The following NIPA1 variants were observed in gnomAD, a reference collection of about 807,000 sequenced individuals.
The protein encoded by NIPA1 is NIPA magnesium transporter 1.
NIPA1 carries 13 observed loss-of-function variants against 23.9 expected under a neutral mutation model. The observed-to-expected ratio is 0.54, with a 90% CI of 0.35 to 0.87. The LOEUF (loss-of-function observed/expected upper bound fraction) is 0.87, where lower values mean the gene tolerates loss of function less well. Among genes scored for constraint, NIPA1 ranks in the 40% least tolerant of loss-of-function variants. NIPA1 has a pLI of 0.01. For missense variants in NIPA1, 362 were observed against 429.7 expected (o/e 0.84, Z 1.39); for synonymous variants, 234 against 202.9 (o/e 1.15, Z -1.30).
chr15:22,795,496 G>A (rs1455639067), intron 1 of NIPA1, among the ~76,000 whole-genome samples: 2 of 152,118 alleles, frequency 1.3e-5, no homozygotes, highest in African/African-American at 4.8e-5. Flanking sequence ...GACAGCTGAG[G>A]GCTTGCTGAG....
chr15:22,796,465 T>TTTTTTTC (rs753180725), intron 1 of NIPA1, among the ~76,000 whole-genome samples: 1 of 151,988 alleles, frequency 6.6e-6, no homozygotes, highest in Non-Finnish European at 1.5e-5. Flanking sequence ...TTCAGTTCTT[T>TTTTTTTC]TTTTTTCTTT....
chr15:22,812,178 T>C lies in NIPA1; in HGVS notation c.242T>C (p.Ile81Thr), dbSNP rs750364669. 5.8e-5 allele frequency: 93 copies of C among 1,613,068 alleles called. 1 individual carries two copies. Among genetic ancestry groups the C allele is most frequent in the Non-Finnish European group, 7.6e-5 (90 of 1,179,492 alleles). ...TTCTTGACAGTGGCTGTTGGCCAGA[T>C]TGGAAACTTCCTGGCTTACACGGCG... Reference protein sequence around the residue: ...AGTIAMAVGQIGNFLAYTAVP... With the variant: ...AGTIAMAVGQTGNFLAYTAVP... The change falls in exon 3 of 5, where the codon ATT (isoleucine) becomes ACT (threonine). Residue 81 changes from isoleucine (I) to threonine (T), a missense_variant. Transcript: ENST00000337435.
At position 22,820,980 on chromosome 15, in the gene NIPA1, C is replaced by CTTTTTTT. The variant is rs34707760; in HGVS notation, c.478+515_478+521dup. Among the ~76,000 whole-genome samples the CTTTTTTT allele has an allele frequency of 1.1e-4, 15 of 140,398 alleles. 1 individual carries two copies. The highest frequency in any genetic ancestry group is 2.1e-4 in the East Asian group (1 of 4,714). 92.1% of individuals were successfully genotyped at this position (140,398 alleles called of 152,430 possible). A position where few individuals can be genotyped will look rare whatever the true frequency, so the allele number is the denominator to read the frequency against. ...CTTTTGACATAATTTCTTTTCTTTTCTTTTTTTTTTTTTTGGAGACGGAGT... is the reference window on the plus strand; with the variant it reads ...CTTTTGACATAATTTCTTTTCTTTTCTTTTTTTTTTTTTTTTTTTTTGGAGACGGAGT... On this transcript the variant is annotated intron_variant, in intron 4 of 4. Coordinates refer to ENST00000337435, the MANE Select transcript of NIPA1 (RefSeq NM_144599.5).
rs1555371599 is a variant in NIPA1, at chr15:22,786,671, T to TGCGGCAGCG, written c.21_29dup (p.Ala14_Ala16dup). 1.5e-5 allele frequency: 16 copies of TGCGGCAGCG among 1,065,910 alleles called. No individual in the cohort carries two copies. The highest frequency in any genetic ancestry group is 9.8e-5 in the Admixed American group (2 of 20,432). The allele number at this position is 1,065,910 out of a possible 1,614,324, so 66.0% of individuals were successfully genotyped here. A position where few individuals can be genotyped will look rare whatever the true frequency, so the allele number is the denominator to read the frequency against. ...GCGCGGGCGGAATGGGGACTGCAGC[T>TGCGGCAGCG]GCGGCAGCGGCGGCGGCGGCGGCGG... On this transcript the variant is annotated inframe_insertion, in exon 1 of 5. Transcript: ENST00000337435.
At chr15:22,788,277 G>C (rs1183495206) in intron 1 of NIPA1, among the ~76,000 whole-genome samples, 1 of 151,704 alleles carries the variant, frequency 6.6e-6, no homozygotes, top group East Asian at 1.9e-4. Flanking sequence ...CGAGGCGGGC[G>C]GGTCACAAGG....
chr15:22,792,616 C>T (rs912327034), intron 1 of NIPA1, among the ~76,000 whole-genome samples: 1 of 152,098 alleles, frequency 6.6e-6, no homozygotes, highest in African/African-American at 2.4e-5. Context: ...CTTCGGCCTC[C>T]CAATGTGCTG....
chr15:22,786,835 G>A lies in NIPA1; in HGVS notation c.178+1G>A. ...GGCATCGTGCGTGCCAAGCGGCGAG[G>A]TAGGGCGGGCGGCAGGCGGCAGGCG... is the stretch of plus-strand genomic sequence containing the variant. On this transcript the variant is annotated splice_donor_variant, in intron 1 of 4. Transcript: ENST00000337435. LOFTEE classifies it high-confidence loss of function. The A allele has an allele frequency of 8.5e-6, 10 of 1,181,800 alleles. No individual in the cohort carries two copies. The highest frequency in any genetic ancestry group is 1.1e-5 in the Non-Finnish European group (10 of 931,068). 73.2% of individuals were successfully genotyped at this position (1,181,800 alleles called of 1,614,324 possible). A position where few individuals can be genotyped will look rare whatever the true frequency, so the allele number is the denominator to read the frequency against.
rs1059774 is a variant in NIPA1 at position 22,825,366 on chromosome 15, C to G, written c.*1127C>G. ...AGAAACATGGTTACGTGGTTCATGACTGTATATTCACTGGAAGATAGTCAA... is the reference window on the plus strand; with the variant it reads ...AGAAACATGGTTACGTGGTTCATGAGTGTATATTCACTGGAAGATAGTCAA... On this transcript the variant is annotated 3_prime_UTR_variant, in exon 5 of 5. Coordinates refer to ENST00000337435, the MANE Select transcript of NIPA1 (RefSeq NM_144599.5). 52,960 of 152,104 alleles carry G rather than the reference C, an allele frequency of 0.35. 10,685 individuals carry two copies. Among genetic ancestry groups the G allele is most frequent in the East Asian group, 0.58 (3,001 of 5,190 alleles). 9.4% of individuals were successfully genotyped at this position (152,104 alleles called of 1,614,324 possible).
chr15:22,795,971 G>A (rs1310471815), intron 1 of NIPA1, among the ~76,000 whole-genome samples: 3 of 151,722 alleles, frequency 2.0e-5, no homozygotes, highest in East Asian at 1.9e-4. Flanking sequence ...TTTTTCCGTC[G>A]CCCAGGCTGG....
chr15:22,798,386 C>T (rs1894987906), intron 1 of NIPA1, among the ~76,000 whole-genome samples: 1 of 149,344 alleles, frequency 6.7e-6, no homozygotes, highest in Non-Finnish European at 1.5e-5. Context: ...ACTACAGGCG[C>T]CCGCCACCAT....
chr15:22,791,987 G>A (rs1334075597), intron 1 of NIPA1, among the ~76,000 whole-genome samples: 1 of 152,156 alleles, frequency 6.6e-6, no homozygotes, highest in Non-Finnish European at 1.5e-5. Context: ...AGTCCAGGGA[G>A]CGTGCTCTAC....
chr15:22,809,788 C>A (rs1895283543), intron 1 of NIPA1, among the ~76,000 whole-genome samples: 1 of 150,820 alleles, frequency 6.6e-6, no homozygotes, highest in Non-Finnish European at 1.5e-5. Context: ...ACCTGTAATC[C>A]CAGCATTTTG....
rs558026750 is a variant in NIPA1, at chr15:22,809,604, G to C, written c.179-1145G>C. Among the ~76,000 whole-genome samples, 1,201 of 151,810 alleles carry C rather than the reference G, an allele frequency of 7.9e-3. 15 individuals are homozygous for C. Among genetic ancestry groups the C allele is most frequent in the African/African-American group, 0.028 (1,152 of 41,370 alleles). On this transcript the variant is annotated intron_variant, in intron 1 of 4. Transcript: ENST00000337435. Reference sequence around the variant, plus strand: ...TACTAAAAATTCAAAAATTAGCCAGGTGTGGTGGCATGCTCCTGTAGTCTC... The same window carrying C: ...TACTAAAAATTCAAAAATTAGCCAGCTGTGGTGGCATGCTCCTGTAGTCTC...
intron 1 of NIPA1, among the ~76,000 whole-genome samples, chr15:22,789,802 GTTT>G (rs976987531): frequency 1.3e-5 from 2 of 151,580 alleles, no homozygotes; most frequent in Non-Finnish European, 2.9e-5. Flanking sequence ...AGGAATGAAA[GTTT>G]TTTTTTGGAG....
chr15:22,806,476 T>A (rs1423751202), intron 1 of NIPA1, among the ~76,000 whole-genome samples: 1 of 152,144 alleles, frequency 6.6e-6, no homozygotes, highest in East Asian at 1.9e-4. Flanking sequence ...AGCCCACACC[T>A]AGGAGTGGGG....
chr15:22,817,666 G>T (rs923935804), intron 3 of NIPA1, among the ~76,000 whole-genome samples: 1 of 150,952 alleles, frequency 6.6e-6, no homozygotes, highest in African/African-American at 2.4e-5. Flanking sequence ...TTAGCCGGGC[G>T]TAGTGGCAGG....
intron 1 of NIPA1, among the ~76,000 whole-genome samples, chr15:22,787,069 G>A (rs1477586945): frequency 6.6e-6 from 1 of 151,912 alleles, no homozygotes; most frequent in Non-Finnish European, 1.5e-5. Context: ...TGAGCGTCCG[G>A]CGCTTCGCCG....
At chr15:22,793,824 A>G (rs1894885441) in intron 1 of NIPA1, among the ~76,000 whole-genome samples, 1 of 152,176 alleles carries the variant, frequency 6.6e-6, no homozygotes, top group Non-Finnish European at 1.5e-5. Context: ...ATTGAAAAGT[A>G]TATCCTTTCC....
At position 22,786,818 on chromosome 15, in the gene NIPA1, G is replaced by A; in HGVS notation, c.162G>A (p.Val54=). The change falls in exon 1 of 5, where the codon GTG becomes GTA. Residue 54 remains valine, a synonymous_variant. Transcript: ENST00000337435. ...STFVLQKKGI[V]RAKRRGTSYL... ...TCGTGCTACAGAAGAAGGGCATCGTGCGTGCCAAGCGGCGAGGTAGGGCGG... is the reference window on the plus strand; with the variant it reads ...TCGTGCTACAGAAGAAGGGCATCGTACGTGCCAAGCGGCGAGGTAGGGCGG... The A allele has an allele frequency of 8.0e-7, 1 of 1,254,334 alleles. No homozygotes were observed. The highest frequency in any genetic ancestry group is 1.8e-5 in the South Asian group (1 of 55,926). 77.7% of individuals were successfully genotyped at this position (1,254,334 alleles called of 1,614,324 possible).
Sources: gnomAD v4.1 joint callset for allele counts (sites outside exome capture counted in the v4.1 genomes callset) on GRCh38, gnomAD v4.1.1 for gene constraint, MANE v1.5 for transcripts, NCBI Gene and HGNC (gene_info 2026-07-23, HGNC 2026-07-21) for gene names.